The following CNTN5 variants were observed in gnomAD, a reference collection of about 807,000 sequenced individuals.
The protein encoded by CNTN5 is contactin-5.
CNTN5 carries 77 observed loss-of-function variants against 129.1 expected under a neutral mutation model. That is an observed-to-expected ratio of 0.60 (90% CI 0.50 to 0.72). The LOEUF is 0.72. CNTN5 is among the 30% of genes least tolerant of loss of function. The pLI is 0.00. For missense variants in CNTN5, 1,478 were observed against 1,328.8 expected, an observed-to-expected ratio of 1.11 and a Z score of -1.75; for synonymous variants, 509 against 465.6, an observed-to-expected ratio of 1.09 and a Z score of -1.20.
intron 1 of CNTN5, among the ~76,000 whole-genome samples, chr11:99,046,109 T>C (rs1372631835): frequency 6.6e-6 from 1 of 152,026 alleles, no homozygotes; most frequent in Non-Finnish European, 1.5e-5. Context: ...GAGGCCAAGG[T>C]GGGTGGATTG....
In CNTN5 at chr11:99,188,743, CA is replaced by C. The variant is rs201171411; in HGVS notation, c.-209-136595del. On this transcript the variant is annotated intron_variant, in intron 1 of 24. Coordinates refer to ENST00000524871, the MANE Select transcript of CNTN5 (RefSeq NM_014361.4). The stretch of plus-strand genomic sequence containing the variant: ...TACTAATTTCTTTATGTTTAATTGA[CA>C]AAAAAAATTTATTGGATAAAACATA... 5.1e-3 allele frequency among the ~76,000 whole-genome samples: 765 copies of C among 151,184 alleles called. 5 individuals are homozygous for C. The highest frequency in any genetic ancestry group is 0.018 in the African/African-American group (725 of 41,370).
At chr11:100,215,564 AAAATAGAGTATATCTCACC>A (rs1414534321) in intron 15 of CNTN5, among the ~76,000 whole-genome samples, 2 of 152,196 alleles carry the variant, frequency 1.3e-5, no homozygotes, top group African/African-American at 4.8e-5. Flanking sequence ...CAGCCGTAAT[AAAATAGAGTATATCTCACC>A]ATTGGCTCTA....
intron 16 of CNTN5, among the ~76,000 whole-genome samples, chr11:100,230,338 C>A (rs973097477): frequency 1.3e-5 from 2 of 152,128 alleles, no homozygotes; most frequent in Admixed American, 1.3e-4. Flanking sequence ...ACTTTTCTAT[C>A]TTAGACTTTC....
chr11:99,293,301 C>A lies in CNTN5; in HGVS notation c.-209-32045C>A, dbSNP rs114870958. Among the ~76,000 whole-genome samples, 338 of 152,196 alleles carry A rather than the reference C, an allele frequency of 2.2e-3. 1 individual carries two copies. The highest frequency in any genetic ancestry group is 7.9e-3 in the African/African-American group (330 of 41,540). On this transcript the variant is annotated intron_variant, in intron 1 of 24. Coordinates refer to ENST00000524871, the MANE Select transcript of CNTN5 (RefSeq NM_014361.4). Reference sequence around the variant, plus strand: ...ATCCCAGTTGGTCATGGTGAATGATCTTTTTAACATGTTGCTGAATTCACT... The same window carrying A: ...ATCCCAGTTGGTCATGGTGAATGATATTTTTAACATGTTGCTGAATTCACT...
intron 16 of CNTN5, among the ~76,000 whole-genome samples, chr11:100,242,618 C>G (rs747921251): frequency 4.6e-5 from 7 of 152,114 alleles, no homozygotes; most frequent in Non-Finnish European, 1.0e-4. Context: ...TTGTAAACAA[C>G]CAGATCTCAG....
At chr11:99,757,303 C>T (rs933649948) in intron 3 of CNTN5, among the ~76,000 whole-genome samples, 1 of 151,312 alleles carries the variant, frequency 6.6e-6, no homozygotes, top group Non-Finnish European at 1.5e-5. Flanking sequence ...AGTGCCCCAC[C>T]CTAATTAATT....
intron 13 of CNTN5, among the ~76,000 whole-genome samples, chr11:100,135,588 C>T (rs1591299701): frequency 2.0e-5 from 3 of 152,278 alleles, no homozygotes; most frequent in East Asian, 3.9e-4. Flanking sequence ...TCTTCCATCA[C>T]TAATAGTCTT....
At chr11:99,212,145 C>CT (rs1215617482) in intron 1 of CNTN5, among the ~76,000 whole-genome samples, 3 of 152,258 alleles carry the variant, frequency 2.0e-5, no homozygotes, top group African/African-American at 7.2e-5. Context: ...CCTCCAGTTG[C>CT]TTGCCAGGGC....
intron 3 of CNTN5, among the ~76,000 whole-genome samples, chr11:99,579,611 T>C (rs575943596): frequency 0.027 from 3,897 of 142,582 alleles, 184 homozygotes; most frequent in African/African-American, 0.098. Context: ...GGGAGTTCAC[T>C]CATGATTTGG....
At chr11:99,399,493 G>A (rs1283609820) in intron 2 of CNTN5, among the ~76,000 whole-genome samples, 2 of 151,614 alleles carry the variant, frequency 1.3e-5, no homozygotes, top group Admixed American at 6.6e-5. Context: ...TACAAAACAT[G>A]TAGAAATATT....
intron 2 of CNTN5, among the ~76,000 whole-genome samples, chr11:99,328,785 G>C (rs1865884977): frequency 1.4e-5 from 2 of 146,308 alleles, no homozygotes; most frequent in African/African-American, 5.1e-5. Context: ...CAGGAGAATT[G>C]CTTGAACCCA....
intron 1 of CNTN5, among the ~76,000 whole-genome samples, chr11:99,073,506 C>T (rs188820697): frequency 0.02 from 2,972 of 150,732 alleles, 51 homozygotes; most frequent in South Asian, 0.072. Flanking sequence ...GGTTTTAAGC[C>T]TCGCATGCAT....
intron 3 of CNTN5, among the ~76,000 whole-genome samples, chr11:99,669,024 G>T (rs1443498579): frequency 2.0e-5 from 3 of 152,020 alleles, no homozygotes; most frequent in African/African-American, 7.2e-5. Context: ...TCTATTTCTT[G>T]TGAAAATTGA....
At chr11:99,682,970 A>G (rs1953625671) in intron 3 of CNTN5, among the ~76,000 whole-genome samples, 1 of 151,914 alleles carries the variant, frequency 6.6e-6, no homozygotes, top group Admixed American at 6.6e-5. Flanking sequence ...AAATATAAAG[A>G]CAAAATAACA....
chr11:100,024,276 G>C (rs181866884), intron 9 of CNTN5, among the ~76,000 whole-genome samples: 28 of 152,272 alleles, frequency 1.8e-4, no homozygotes, highest in Non-Finnish European at 3.7e-4. Context: ...AAGGTGCCTT[G>C]CTTCCCTTTC....
rs112797889 is a variant in CNTN5 at position 100,319,463 on chromosome 11, T to C, written c.2730+10995T>C. ...CCACTGTGCCCAGCTGACTTCCCTT[T>C]TTTCTGACAGATGAAATTATATGGA... On this transcript the variant is annotated intron_variant, in intron 21 of 24. Coordinates refer to ENST00000524871, the MANE Select transcript of CNTN5 (RefSeq NM_014361.4). Among the ~76,000 whole-genome samples, 890 of 152,326 alleles carry C rather than the reference T, an allele frequency of 5.8e-3. 17 individuals are homozygous for C. The highest frequency in any genetic ancestry group is 0.02 in the African/African-American group (831 of 41,570).
intron 13 of CNTN5, among the ~76,000 whole-genome samples, chr11:100,165,271 C>T (rs1947591985): frequency 1.3e-5 from 2 of 151,720 alleles, no homozygotes; most frequent in African/African-American, 4.8e-5. Flanking sequence ...GATCTTGGTG[C>T]CCCTCCTGCT....
intron 6 of CNTN5, among the ~76,000 whole-genome samples, chr11:99,881,759 C>T (rs1948778330): frequency 6.6e-6 from 1 of 152,156 alleles, no homozygotes; most frequent in Non-Finnish European, 1.5e-5. Flanking sequence ...TCGGTCATTA[C>T]TATGATTTGT....
intron 3 of CNTN5, among the ~76,000 whole-genome samples, chr11:99,718,407 C>A (rs1943056558): frequency 6.6e-6 from 1 of 152,096 alleles, no homozygotes; most frequent in African/African-American, 2.4e-5. Flanking sequence ...GATTTTAATT[C>A]AGTCCATCTG....
Sources: allele counts gnomAD v4.1 joint callset (sites outside exome capture counted in the v4.1 genomes callset), GRCh38; gene constraint gnomAD v4.1.1; transcripts MANE v1.5; gene names NCBI Gene and HGNC (gene_info 2026-07-23, HGNC 2026-07-21).